The following CCDC144A variants were observed in gnomAD, a reference collection of about 807,000 sequenced individuals.
The protein encoded by CCDC144A is coiled-coil domain-containing protein 144A.
In CCDC144A, 41 loss-of-function variants were observed where a neutral mutation model predicts 143.8. That is an observed-to-expected ratio of 0.29 (90% confidence interval 0.22 to 0.37). The LOEUF is 0.37. CCDC144A is among the 10% of genes least tolerant of loss of function. The probability of loss-of-function intolerance (pLI) is 1.00; values close to 1 mark genes in which losing one functional copy is unlikely to be tolerated. For synonymous variants in CCDC144A, 242 were observed against 517.9 expected (o/e 0.47, Z 7.23); for missense variants, 637 against 1,488.8 (o/e 0.43, Z 9.41).
chr17:16,722,119 T>C (rs1346143257), intron 8 of CCDC144A, among the ~76,000 whole-genome samples: 1 of 152,152 alleles, frequency 6.6e-6, no homozygotes, highest in African/African-American at 2.4e-5. Context: ...CTTGTATTCT[T>C]TGGTTACTGA....
chr17:16,745,187 C>T (rs931688321), intron 12 of CCDC144A, among the ~76,000 whole-genome samples: 3 of 151,636 alleles, frequency 2.0e-5, no homozygotes, highest in African/African-American at 7.3e-5. Context: ...AAGAACTACT[C>T]TTCACTCGAC....
At position 16,746,271 on chromosome 17, in the gene CCDC144A, C is replaced by CTCTCT. The variant is rs370181880; in HGVS notation, c.3372+10629_3372+10630insCTCTT. ...CTTCTGTTTATCTGTCTCTCTCTCT[C>CTCTCT]TTTTTTTTTTTTTTTGCATCTTTCT... On this transcript the variant is annotated intron_variant, in intron 12 of 16. Transcript: ENST00000399273. 1.9e-5 allele frequency: 15 copies of CTCTCT among 779,984 alleles called. No individual in the cohort carries two copies. In the African/African-American group the frequency reaches 2.5e-4, roughly 13 times the overall value. The allele number at this position is 779,984 out of a possible 1,614,324, so 48.3% of individuals were successfully genotyped here.
the CCDC144A span, chr17:16,683,554 T>C: frequency 6.3e-7 from 1 of 1,592,520 alleles, no homozygotes; most frequent in Non-Finnish European, 8.6e-7. Flanking sequence ...GCGGTCTTTC[T>C]GACCGGGAAT....
chr17:16,747,621 TCTC>T (rs1316303118), intron 12 of CCDC144A, among the ~76,000 whole-genome samples: 1 of 152,232 alleles, frequency 6.6e-6, no homozygotes, highest in Non-Finnish European at 1.5e-5. Flanking sequence ...GTTTTGTAGT[TCTC>T]CTTGTAACCA....
chr17:16,681,265 C>T, the CCDC144A span, among the ~76,000 whole-genome samples: 1 of 151,802 alleles, frequency 6.6e-6, no homozygotes, highest in East Asian at 1.9e-4. Context: ...TTACAGCTTC[C>T]CACACTGAAA....
chr17:16,756,014 T>C (rs970428765), intron 12 of CCDC144A, among the ~76,000 whole-genome samples: 5 of 152,258 alleles, frequency 3.3e-5, no homozygotes, highest in Non-Finnish European at 5.9e-5. Context: ...TTCCCTTGTA[T>C]GTGACTTGGT....
chr17:16,737,548 G>A, intron 12 of CCDC144A: 1 of 1,290,872 alleles, frequency 7.7e-7, no homozygotes, highest in Non-Finnish European at 1.0e-6. Flanking sequence ...GTAGTTATGA[G>A]AGAATTCCAA....
chr17:16,755,846 C>T (rs1198884666), intron 12 of CCDC144A, among the ~76,000 whole-genome samples: 1 of 152,238 alleles, frequency 6.6e-6, no homozygotes, highest in Non-Finnish European at 1.5e-5. Context: ...CAGGGATGAA[C>T]CACTGCACCT....
Position 16,690,580 on chromosome 17 carries a change from C to G in CCDC144A, c.180C>G (p.Ser60Arg). 6.2e-7 allele frequency: 1 copy of G among 1,613,738 alleles called. No individual in the cohort carries two copies. The highest frequency in any genetic ancestry group is 8.5e-7 in the Non-Finnish European group (1 of 1,179,864). ...GCTGGTGGAAAAACAGCGTCGGCAGCGAGAGCAAGCACGGTGAGGGCGCCT... is the reference window on the plus strand; with the variant it reads ...GCTGGTGGAAAAACAGCGTCGGCAGGGAGAGCAAGCACGGTGAGGGCGCCT... Reference protein sequence around the residue: ...PYSWWKNSVGSESKHGEGALD... With the variant: ...PYSWWKNSVGRESKHGEGALD... The change falls in exon 1 of 17, where the codon AGC becomes AGG. Residue 60 changes from serine (S) to arginine (R), a missense_variant. Ser to Arg is a moderately radical substitution (Grantham distance 110). Transcript: ENST00000399273.
In CCDC144A at chr17:16,774,869, C is replaced by T. The variant is rs1915952003; in HGVS notation, c.*1236C>T. On this transcript the variant is annotated 3_prime_UTR_variant, in exon 17 of 17. Transcript: ENST00000399273. ...ACGATGCTCTCCCTTCTTTCACCCG[C>T]CACCATCCCACATGCCCCTGTGTGT... The T allele has an allele frequency of 7.0e-6, 1 of 143,528 alleles. No individual in the cohort carries two copies. The allele number at this position is 143,528 out of a possible 1,614,324, so 8.9% of individuals were successfully genotyped here. A position where few individuals can be genotyped will look rare whatever the true frequency, so the allele number is the denominator to read the frequency against.
the CCDC144A span, among the ~76,000 whole-genome samples, chr17:16,674,524 A>G: frequency 6.7e-6 from 1 of 148,902 alleles, no homozygotes; most frequent in Non-Finnish European, 1.5e-5. Flanking sequence ...TGGGTGATAG[A>G]GCAAAACCTG....
intron 3 of CCDC144A, chr17:16,706,082 T>G (rs956824469): frequency 6.6e-6 from 1 of 151,776 alleles, no homozygotes; most frequent in African/African-American, 2.4e-5. Context: ...GACTCCGGTC[T>G]CAAAAAACAA....
intron 8 of CCDC144A, among the ~76,000 whole-genome samples, chr17:16,723,246 G>A (rs1019983674): frequency 1.3e-5 from 2 of 151,986 alleles, no homozygotes; most frequent in African/African-American, 4.8e-5. Context: ...CAAGGAAAGT[G>A]TCCATTTTAT....
the CCDC144A span, among the ~76,000 whole-genome samples, chr17:16,674,776 AC>A: frequency 6.6e-6 from 1 of 152,050 alleles, no homozygotes; most frequent in Non-Finnish European, 1.5e-5. Flanking sequence ...TGGTATGAAA[AC>A]CCCACAAAGG....
the CCDC144A span, among the ~76,000 whole-genome samples, chr17:16,673,408 C>T: frequency 2.1e-5 from 3 of 142,650 alleles, no homozygotes; most frequent in Admixed American, 7.1e-5. Flanking sequence ...TTTTTTGAGA[C>T]GGAGTTTCAC....
intron 12 of CCDC144A, among the ~76,000 whole-genome samples, chr17:16,751,475 C>T (rs1328926318): frequency 1.3e-5 from 2 of 152,130 alleles, no homozygotes. Flanking sequence ...CAGCAGTGCT[C>T]TGGGGAAGGG....
At chr17:16,756,842 G>A (rs1915111187) in intron 12 of CCDC144A, among the ~76,000 whole-genome samples, 1 of 152,058 alleles carries the variant, frequency 6.6e-6, no homozygotes, top group Non-Finnish European at 1.5e-5. Flanking sequence ...TGATGGGTGG[G>A]TGCATTGGTG....
Position 16,690,241 on chromosome 17 carries a change from G to A in CCDC144A, c.-160G>A. 1.9e-6 allele frequency: 1 copy of A among 518,030 alleles called. No individual in the cohort carries two copies. Among genetic ancestry groups the A allele is most frequent in the East Asian group, 3.1e-5 (1 of 32,428 alleles). 32.1% of individuals were successfully genotyped at this position (518,030 alleles called of 1,614,324 possible). A position where few individuals can be genotyped will look rare whatever the true frequency, so the allele number is the denominator to read the frequency against. On this transcript the variant is annotated 5_prime_UTR_variant, in exon 1 of 17. Transcript: ENST00000399273. ...AACGGATTGGCTTGGCCTTACCCACGAGGCTTTGCGGTGGCTGTTGGCTTG... is the reference window on the plus strand; with the variant it reads ...AACGGATTGGCTTGGCCTTACCCACAAGGCTTTGCGGTGGCTGTTGGCTTG...
intron 2 of CCDC144A, among the ~76,000 whole-genome samples, chr17:16,697,104 A>G (rs1233754991): frequency 6.6e-6 from 1 of 152,116 alleles, no homozygotes; most frequent in East Asian, 1.9e-4. Flanking sequence ...ATAAATATCC[A>G]AATAGATGCG....
Sources: allele counts gnomAD v4.1 joint callset (sites outside exome capture counted in the v4.1 genomes callset), GRCh38; gene constraint gnomAD v4.1.1; transcripts MANE v1.5; gene names NCBI Gene and HGNC (gene_info 2026-07-23, HGNC 2026-07-21).